Variants in HERC1 observed in about 807,000 individuals in gnomAD.
The protein encoded by HERC1 is HECT and RLD domain containing E3 ubiquitin protein ligase family member 1, also known as probable E3 ubiquitin-protein ligase HERC1.
In HERC1, 160 loss-of-function variants were observed where a neutral mutation model predicts 554.3. The observed-to-expected ratio is 0.29, with a 90% CI of 0.25 to 0.33. HERC1 has a LOEUF of 0.33. Among genes scored for constraint, HERC1 ranks in the 10% least tolerant of loss-of-function variants. The probability of loss-of-function intolerance (pLI) is 1.00; values close to 1 mark genes in which losing one functional copy is unlikely to be tolerated. For synonymous variants in HERC1, 2,175 were observed against 2,131.7 expected (o/e 1.02, Z -0.56); for missense variants, 4,919 against 5,918.5 (o/e 0.83, Z 5.54).
At position 63,734,501 on chromosome 15, in the gene HERC1, A is replaced by G. The variant is rs1352598437; in HGVS notation, c.2646+223T>C. On this transcript the variant is annotated intron_variant, in intron 13 of 77. Coordinates refer to ENST00000443617, the MANE Select transcript of HERC1 (RefSeq NM_003922.4). The surrounding 1 kb of genome is among the most constrained non-coding windows in gnomAD (Gnocchi z 4.6). ...GGCTTAGTACCATAAGAAACACTGG[A>G]AAAATTAGTCCTTATTTTAATAATT... 2.1e-5 allele frequency: 7 copies of G among 337,018 alleles called. No individual in the cohort carries two copies. Among genetic ancestry groups the G allele is most frequent in the Non-Finnish European group, 3.7e-5 (7 of 186,782 alleles). 20.9% of individuals were successfully genotyped at this position (337,018 alleles called of 1,614,324 possible). A position where few individuals can be genotyped will look rare whatever the true frequency, so the allele number is the denominator to read the frequency against.
rs2078261162 is a variant in HERC1 at position 63,833,858 on chromosome 15, C to T, written c.-58G>A. On this transcript the variant is annotated 5_prime_UTR_variant, in exon 1 of 78. Transcript: ENST00000443617. Reference sequence around the variant, plus strand: ...CTGGAGCTGGCGGGGTGGGGCGCGGCTCCGGCGACCCGAGCCCGGCTCCGC... The same window carrying T: ...CTGGAGCTGGCGGGGTGGGGCGCGGTTCCGGCGACCCGAGCCCGGCTCCGC... 6.5e-6 allele frequency: 1 copy of T among 152,944 alleles called. No individual in the cohort carries two copies. The highest frequency in any genetic ancestry group is 6.5e-5 in the Admixed American group (1 of 15,290). 9.5% of individuals were successfully genotyped at this position (152,944 alleles called of 1,614,324 possible).
At chr15:63,675,167 G>A (rs373201379) in intron 37 of HERC1, 50 bp from the exon 38 acceptor site, 90 of 1,461,448 alleles carry the variant, frequency 6.2e-5, no homozygotes, top group Non-Finnish European at 7.2e-5. Flanking sequence ...AGGGAAAGAC[G>A]GGAGGAAGGT....
chr15:63,701,000 C>A (rs780822523), intron 25 of HERC1, among the ~76,000 whole-genome samples: 70 of 151,674 alleles, frequency 4.6e-4, no homozygotes, highest in Admixed American at 2.5e-3. Context: ...TAGATTCTGG[C>A]TCCTCACATT....
Position 63,648,329 on chromosome 15 carries a change from T to G in HERC1, c.10748-130A>C. 4 of 879,902 alleles carry G rather than the reference T, an allele frequency of 4.5e-6. No homozygotes were observed. The South Asian group carries it at 7.4e-5, about 16-fold the overall frequency. 54.5% of individuals were successfully genotyped at this position (879,902 alleles called of 1,614,324 possible). On this transcript the variant is annotated intron_variant, in intron 54 of 77. Coordinates refer to ENST00000443617, the MANE Select transcript of HERC1 (RefSeq NM_003922.4). Reference sequence around the variant, plus strand: ...AGTAAATTTCCAAATAGCTCTTTAATGCATTTAGACAAAATGTAGGCGTAC... The same window carrying G: ...AGTAAATTTCCAAATAGCTCTTTAAGGCATTTAGACAAAATGTAGGCGTAC...
chr15:63,830,951 C>G (rs2078131578), intron 1 of HERC1, among the ~76,000 whole-genome samples: 2 of 152,172 alleles, frequency 1.3e-5, no homozygotes, highest in Admixed American at 6.5e-5. Flanking sequence ...AAAATGCTAG[C>G]AGATGTGACC....
At chr15:63,829,685 T>C (rs1265316128) in intron 1 of HERC1, among the ~76,000 whole-genome samples, 1 of 150,434 alleles carries the variant, frequency 6.6e-6, no homozygotes, top group Non-Finnish European at 1.5e-5. Context: ...ATTTTGATTT[T>C]AAATACTATT....
chr15:63,717,216 G>C (rs1295699712), intron 21 of HERC1, among the ~76,000 whole-genome samples: 1 of 152,140 alleles, frequency 6.6e-6, no homozygotes, highest in Non-Finnish European at 1.5e-5. Context: ...CACAGTACAT[G>C]TCATTTATCC....
chr15:63,643,645 T>A, intron 57 of HERC1, 95 bp from the exon 58 acceptor site: 2 of 962,958 alleles, frequency 2.1e-6, no homozygotes, highest in East Asian at 2.8e-5. Flanking sequence ...TATTTCAGAA[T>A]AAAATTGGCA....
chr15:63,644,927 G>A, intron 57 of HERC1, 65 bp downstream of exon 57: 1 of 1,215,812 alleles, frequency 8.2e-7, no homozygotes, highest in Non-Finnish European at 1.2e-6. Context: ...AACCAAGGGA[G>A]AATGACTCTG....
chr15:63,769,190 G>A (rs1234674946), intron 2 of HERC1, among the ~76,000 whole-genome samples: 1 of 152,202 alleles, frequency 6.6e-6, no homozygotes, highest in Non-Finnish European at 1.5e-5. Flanking sequence ...GGCCTATGCA[G>A]GTGGATCACC....
chr15:63,773,444 CAAAAAAA>C (rs370465670), intron 2 of HERC1, among the ~76,000 whole-genome samples: 1 of 72,930 alleles, frequency 1.4e-5, no homozygotes, highest in African/African-American at 5.1e-5. Flanking sequence ...GACTCTGTCT[CAAAAAAA>C]AAAAAAAAAA....
In HERC1 at chr15:63,716,368, C is replaced by G; in HGVS notation, c.4084G>C (p.Glu1362Gln). The G allele has an allele frequency of 6.2e-7, 1 of 1,613,902 alleles. No homozygotes were observed. Among genetic ancestry groups the G allele is most frequent in the Non-Finnish European group, 8.5e-7 (1 of 1,179,830 alleles). The change falls in exon 22 of 78, where the codon GAA becomes CAA. Residue 1362 changes from glutamate to glutamine, a missense_variant. Around this residue, in one of 11 missense-constraint regions of HERC1, gnomAD observed 1,121 missense variants for 1,244.0 expected, o/e 0.90. Transcript: ENST00000443617. ...TCCTCTGGCTCCGGATGCCCCTCTTCCCGGTCTCTCTCAGCCTGTTCTTCC... is the reference window on the plus strand; with the variant it reads ...TCCTCTGGCTCCGGATGCCCCTCTTGCCGGTCTCTCTCAGCCTGTTCTTCC... ...EMEEQAERDR[E>Q]EGHPEPEDEE...
intron 66 of HERC1, 72 bp downstream of exon 66, chr15:63,634,661 G>C (rs2068703837): frequency 2.3e-6 from 3 of 1,286,388 alleles, no homozygotes; most frequent in African/African-American, 1.5e-5. Context: ...ATCTTCCTGA[G>C]GGTGTCTAAG....
chr15:63,656,121 A>G lies in HERC1; in HGVS notation c.9837T>C (p.Ser3279=). 1 of 1,612,966 alleles carries G rather than the reference A, an allele frequency of 6.2e-7. No individual in the cohort carries two copies. Among genetic ancestry groups the G allele is most frequent in the Non-Finnish European group, 8.5e-7 (1 of 1,179,400 alleles). ...AVGCLASNAP[S]AAKLLVQLCT... is the part of the protein sequence containing the mutation. ...ACAACTGTACAAGCAGTTTGGCAGC[A>G]CTAGGAGCATTTGATGCCAGACATC... Residue 3279 remains serine, a synonymous_variant, in exon 49 of 78, where the codon AGT becomes AGC. Transcript: ENST00000443617.
chr15:63,748,260 G>C (rs2075128368), intron 10 of HERC1, among the ~76,000 whole-genome samples: 1 of 151,936 alleles, frequency 6.6e-6, no homozygotes, highest in Admixed American at 6.6e-5. Context: ...CATTAAAGCT[G>C]AATGAGTTCA....
chr15:63,763,164 C>T (rs962515483), intron 3 of HERC1, among the ~76,000 whole-genome samples: 5 of 152,264 alleles, frequency 3.3e-5, no homozygotes, highest in East Asian at 3.9e-4. Flanking sequence ...TTGAATCCAC[C>T]GGACTTTGTC....
At chr15:63,675,888 C>T (rs2071173784) in intron 37 of HERC1, among the ~76,000 whole-genome samples, 1 of 148,382 alleles carries the variant, frequency 6.7e-6, no homozygotes, top group African/African-American at 2.5e-5. Context: ...ACTTATTTTG[C>T]TATACTGTAT....
At chr15:63,681,078 T>G (rs1476979403) in intron 34 of HERC1, among the ~76,000 whole-genome samples, 1 of 152,242 alleles carries the variant, frequency 6.6e-6, no homozygotes, top group African/African-American at 2.4e-5. Context: ...CAGAAATTAA[T>G]GAAAACTTTA....
At chr15:63,725,948 A>G (rs1002779607) in intron 17 of HERC1, among the ~76,000 whole-genome samples, 1 of 151,898 alleles carries the variant, frequency 6.6e-6, no homozygotes, top group Non-Finnish European at 1.5e-5. Flanking sequence ...TCTTAATACT[A>G]AGATCCAGAC....
Sources: gnomAD v4.1 joint callset for allele counts (sites outside exome capture counted in the v4.1 genomes callset) on GRCh38, gnomAD v4.1.1 for gene constraint, gnomAD v4.1.1 regional missense constraint, Gnocchi (gnomAD v3.1) non-coding constraint, MANE v1.5 for transcripts, NCBI Gene and HGNC (gene_info 2026-07-23, HGNC 2026-07-21) for gene names.